Variants in PBDC1 observed in about 807,000 individuals in gnomAD.
The protein encoded by PBDC1 is protein PBDC1.
Under a neutral mutation model 12.0 loss-of-function variants are expected in PBDC1, and 3 were observed. That is an observed-to-expected ratio of 0.25 (90% CI 0.11 to 0.64). The LOEUF is 0.64. PBDC1 is among the 30% of genes least tolerant of loss of function. PBDC1 has a pLI of 0.84. For synonymous variants in PBDC1, 64 were observed against 56.4 expected (o/e 1.13, Z -0.60); for missense variants, 162 against 168.1 (o/e 0.96, Z 0.20).
At chrX:76,173,706 G>A in intron 2 of PBDC1, 56 bp downstream of exon 2, 1 of 822,080 alleles carries the variant, frequency 1.2e-6, no homozygotes, top group Non-Finnish European at 1.7e-6. Flanking sequence ...GATCTCTGCA[G>A]GACCTGCCTG....
At position 76,178,207 on chromosome X, in the gene PBDC1, T is replaced by G. The variant is rs1289958139; in HGVS notation, c.*299T>G. On this transcript the variant is annotated 3_prime_UTR_variant, in exon 6 of 6. Coordinates refer to ENST00000373358, the MANE Select transcript of PBDC1 (RefSeq NM_016500.5). ...TTTCTTTTGGTTCTTATTATCTATA[T>G]CTGTGACTGACTTTAAAAAGGTATT... The G allele has an allele frequency of 6.0e-6, 2 of 334,280 alleles. No individual in the cohort carries two copies. The highest frequency in any genetic ancestry group is 1.0e-5 in the Non-Finnish European group (2 of 191,859). The allele number at this position is 334,280 out of a possible 1,213,427, so 27.5% of individuals were successfully genotyped here. A position where few individuals can be genotyped will look rare whatever the true frequency, so the allele number is the denominator to read the frequency against.
At chrX:76,176,231 G>A in intron 4 of PBDC1, among the ~76,000 whole-genome samples, 1 of 106,867 alleles carries the variant, frequency 9.4e-6, no homozygotes, top group Admixed American at 1.0e-4. Context: ...TCAGCTCACT[G>A]CAACCTCCGC....
In PBDC1 at chrX:76,175,480, C is replaced by T. The variant is rs782501716; in HGVS notation, c.164C>T (p.Ser55Leu). ...TGTCTTACTGTTTCGCAGCTGATTT[C>T]ATCAGTTGACCCACAGTTCCTGAAA... ...QHAEVYYKLI[S>L]SVDPQFLKLT... The change falls in exon 4 of 6, where the codon TCA becomes TTA. Residue 55 changes from serine to leucine, a missense_variant. Physicochemically the swap from Ser to Leu is moderately radical, Grantham distance 145 (BLOSUM62 -2). Around this residue, in one of 3 missense-constraint regions of PBDC1, gnomAD observed 21 missense variants for 43.4 expected, o/e 0.48. Transcript: ENST00000373358. The T allele has an allele frequency of 2.5e-6, 3 of 1,207,303 alleles. No homozygotes were observed. The highest frequency in any genetic ancestry group is 3.4e-6 in the Non-Finnish European group (3 of 892,136).
At position 76,173,644 on chromosome X, in the gene PBDC1, C is replaced by T; in HGVS notation, c.90C>T (p.Gly30=). Residue 30 remains glycine, a synonymous_variant, in exon 2 of 6, where the codon GGC becomes GGT. Transcript: ENST00000373358. ...HALSLPAESY[G]NDPDIEMAWA... ...TTTCTCTCCCAGCAGAGTCGTATGGCAACGATGTGAGTATGACTCACCCAC... is the reference window on the plus strand; with the variant it reads ...TTTCTCTCCCAGCAGAGTCGTATGGTAACGATGTGAGTATGACTCACCCAC... 8.5e-7 allele frequency: 1 copy of T among 1,183,340 alleles called. No homozygotes were observed. The highest frequency in any genetic ancestry group is 1.9e-5 in the South Asian group (1 of 51,829).
In PBDC1 at chrX:76,173,551, G is replaced by C. The variant is rs181631748; in HGVS notation, c.31-34G>C. Reference sequence around the variant, plus strand: ...GGGGGAGCCACCGCGCCCGGCCTTGGGGGGAGCCTTGAACTCTTTTTCCTC... The same window carrying C: ...GGGGGAGCCACCGCGCCCGGCCTTGCGGGGAGCCTTGAACTCTTTTTCCTC... On this transcript the variant is annotated intron_variant, in intron 1 of 5. Coordinates refer to ENST00000373358, the MANE Select transcript of PBDC1 (RefSeq NM_016500.5). The C allele has an allele frequency of 7.8e-4, 892 of 1,139,095 alleles. 4 individuals carry two copies. The African/African-American group carries it at 0.014, about 18-fold the overall frequency. The allele number at this position is 1,139,095 out of a possible 1,213,427, so 93.9% of individuals were successfully genotyped here. A position where few individuals can be genotyped will look rare whatever the true frequency, so the allele number is the denominator to read the frequency against.
intron 4 of PBDC1, among the ~76,000 whole-genome samples, chrX:76,176,398 G>T (rs1337500596): frequency 9.0e-6 from 1 of 111,022 alleles, no homozygotes; most frequent in African/African-American, 3.3e-5. Flanking sequence ...CAAGCGATCC[G>T]CCCGCCTCGG....
chrX:76,176,118 TTTTG>T (rs201630345), intron 4 of PBDC1, among the ~76,000 whole-genome samples: 3,802 of 106,449 alleles, frequency 0.036, 102 homozygotes, highest in African/African-American at 0.093. Context: ...AATCTAAAGT[TTTTG>T]TTTGTTTGTT....
At position 76,177,964 on chromosome X, in the gene PBDC1, A is replaced by T; in HGVS notation, c.*56A>T. ...TGACTCAATTGAGACTACAAGTACC[A>T]CGGTGCTACTTGCACAGACCCCTTT... On this transcript the variant is annotated 3_prime_UTR_variant, in exon 6 of 6. Transcript: ENST00000373358. 5 of 1,198,347 alleles carry T rather than the reference A, an allele frequency of 4.2e-6. No homozygotes were observed. Among genetic ancestry groups the T allele is most frequent in the Non-Finnish European group, 5.6e-6 (5 of 890,190 alleles).
intron 2 of PBDC1, 23 bp downstream of exon 2, chrX:76,173,673 T>C (rs782418057): frequency 2.8e-6 from 3 of 1,082,955 alleles, no homozygotes; most frequent in African/African-American, 3.7e-5. Flanking sequence ...CACCCACAGC[T>C]CCCACCCACT....
Position 76,173,661 on chromosome X carries a change from C to T in PBDC1, c.96+11C>T, listed in dbSNP as rs1183034836. ...TCGTATGGCAACGATGTGAGTATGA[C>T]TCACCCACAGCTCCCACCCACTCAG... is the stretch of plus-strand genomic sequence containing the variant. On this transcript the variant is annotated intron_variant, in intron 2 of 5. Coordinates refer to ENST00000373358, the MANE Select transcript of PBDC1 (RefSeq NM_016500.5). 1.8e-6 allele frequency: 2 copies of T among 1,141,422 alleles called. No individual in the cohort carries two copies. Among genetic ancestry groups the T allele is most frequent in the African/African-American group, 3.6e-5 (2 of 55,361 alleles). 94.1% of individuals were successfully genotyped at this position (1,141,422 alleles called of 1,213,427 possible). A position where few individuals can be genotyped will look rare whatever the true frequency, so the allele number is the denominator to read the frequency against.
chrX:76,176,965 G>A lies in PBDC1; in HGVS notation c.382G>A (p.Gly128Ser). 8.4e-7 allele frequency: 1 copy of A among 1,193,916 alleles called. No individual in the cohort carries two copies. Among genetic ancestry groups the A allele is most frequent in the African/African-American group, 1.7e-5 (1 of 57,145 alleles). ...GTLLRLDCSQ[G>S]YTEENTIFAP... ...TTTGCTGCGACTAGATTGTTCTCAGGGCTACACTGAGGAAAACACCATCTT... is the reference window on the plus strand; with the variant it reads ...TTTGCTGCGACTAGATTGTTCTCAGAGCTACACTGAGGAAAACACCATCTT... Residue 128 changes from glycine to serine, a missense_variant, in exon 5 of 6, where the codon GGC becomes AGC. Around this residue, in one of 3 missense-constraint regions of PBDC1, gnomAD observed 100 missense variants for 96.2 expected, o/e 1.04. Transcript: ENST00000373358.
At position 76,176,923 on chromosome X, in the gene PBDC1, G is replaced by A; in HGVS notation, c.340G>A (p.Asp114Asn). 1 of 1,208,119 alleles carries A rather than the reference G, an allele frequency of 8.3e-7. No homozygotes were observed. The highest frequency in any genetic ancestry group is 1.8e-5 in the South Asian group (1 of 56,824). Residue 114 changes from aspartate (D) to asparagine (N), a missense_variant, in exon 5 of 6, where the codon GAC becomes AAC. Around this residue, in one of 3 missense-constraint regions of PBDC1, gnomAD observed 100 missense variants for 96.2 expected, o/e 1.04. Transcript: ENST00000373358. Reference protein sequence around the residue: ...FCLKFNGIVEDFNYGTLLRLD... With the variant: ...FCLKFNGIVENFNYGTLLRLD... ...CTTGAAGTTTAATGGGATTGTTGAA[G>A]ACTTCAACTATGGTACTTTGCTGCG...
At chrX:76,175,442 A>G (rs781955827) in intron 3 of PBDC1, 31 bp from the exon 4 acceptor site, 6 of 1,182,141 alleles carry the variant, frequency 5.1e-6, no homozygotes, top group South Asian at 3.6e-5. Context: ...ATTACAGACT[A>G]GCATCTGTAT....
rs1195317815 is a variant in PBDC1, at chrX:76,178,032, G to A, written c.*124G>A. On this transcript the variant is annotated 3_prime_UTR_variant, in exon 6 of 6. Transcript: ENST00000373358. ...TGTACAATTGAAGGATACGCAGAAG[G>A]ACATCTTTCTAGTCTAACAGTCAGG... The A allele has an allele frequency of 8.8e-7, 1 of 1,134,415 alleles. No homozygotes were observed. The highest frequency in any genetic ancestry group is 2.2e-5 in the South Asian group (1 of 46,399). The allele number at this position is 1,134,415 out of a possible 1,213,427, so 93.5% of individuals were successfully genotyped here. A position where few individuals can be genotyped will look rare whatever the true frequency, so the allele number is the denominator to read the frequency against.
chrX:76,174,664 C>A (rs782448232), intron 2 of PBDC1, among the ~76,000 whole-genome samples: 8 of 111,986 alleles, frequency 7.1e-5, no homozygotes, highest in Non-Finnish European at 1.5e-4. Context: ...AAAAGATAGC[C>A]GGTGGCTCAT....
intron 1 of PBDC1, 39 bp downstream of exon 1, chrX:76,173,207 G>A (rs782478502): frequency 9.3e-7 from 1 of 1,079,118 alleles, no homozygotes; most frequent in Admixed American, 3.5e-5. Flanking sequence ...TGGGGAGGTC[G>A]AGCCAGGTGG....
At chrX:76,173,504 CGAGTCACTGCGACTGGCCTTGGGGG>C in intron 1 of PBDC1, 56 bp from the exon 2 acceptor site, 1 of 699,142 alleles carries the variant, frequency 1.4e-6, no homozygotes. Flanking sequence ...ATTACAGGCA[CGAGTCACTGCGACTGGCCTTGGGGG>C]GAGCCACCGC....
chrX:76,173,512 T>C (rs180820918), intron 1 of PBDC1, 73 bp from the exon 2 acceptor site: 4 of 789,748 alleles, frequency 5.1e-6, no homozygotes, highest in East Asian at 3.5e-5. Context: ...CACGAGTCAC[T>C]GCGACTGGCC....
intron 4 of PBDC1, among the ~76,000 whole-genome samples, chrX:76,176,372 C>T (rs1020788214): frequency 1.8e-5 from 2 of 110,870 alleles, no homozygotes; most frequent in Non-Finnish European, 3.8e-5. Context: ...CCAGGCTGGT[C>T]TTAAACTCCT....
Sources: allele counts gnomAD v4.1 joint callset (sites outside exome capture counted in the v4.1 genomes callset), GRCh38; gene constraint gnomAD v4.1.1; regional missense constraint gnomAD v4.1.1; transcripts MANE v1.5; gene names NCBI Gene and HGNC (gene_info 2026-07-23, HGNC 2026-07-21).